UTP15: variants seen among roughly 807,000 people sequenced by gnomAD.
UTP15 encodes UTP15 small subunit processome component.
In UTP15, 5 loss-of-function variants were observed where a neutral mutation model predicts 59.1. The observed-to-expected ratio is 0.08, with a 90% CI of 0.04 to 0.18. UTP15 has a LOEUF of 0.18. Ranked by LOEUF, UTP15 falls within the 10% of genes least tolerant of loss-of-function variation. UTP15 has a pLI of 1.00. For synonymous variants in UTP15, 211 were observed against 212.2 expected (o/e 0.99, Z 0.05); for missense variants, 494 against 616.7 (o/e 0.80, Z 2.11).
rs1376540543 is a variant in UTP15, at chr5:73,581,078, G to A, written c.*984G>A. 1 of 150,474 alleles carries A rather than the reference G, an allele frequency of 6.6e-6. No homozygotes were observed. The highest frequency in any genetic ancestry group is 1.5e-5 in the Non-Finnish European group (1 of 67,786). 9.3% of individuals were successfully genotyped at this position (150,474 alleles called of 1,614,324 possible). A position where few individuals can be genotyped will look rare whatever the true frequency, so the allele number is the denominator to read the frequency against. On this transcript the variant is annotated 3_prime_UTR_variant, in exon 13 of 13. Transcript: ENST00000296792. ...AGTTTTTTTTTTTTTTTTAAAGACA[G>A]GGTCTCGCTTTATCGCCCAGGCTGG...
chr5:73,579,340 C>T lies in UTP15; in HGVS notation c.1304C>T (p.Ala435Val), dbSNP rs1370377867. The change falls in exon 12 of 13, where the codon GCC becomes GTC. Residue 435 changes from alanine (A) to valine (V), a missense_variant. Transcript: ENST00000296792. ...LIRNLSQPRFAPVLINAAEII... is the reference protein window; with the variant it reads ...LIRNLSQPRFVPVLINAAEII... ...AGGAATCTTTCTCAGCCAAGATTTG[C>T]CCCTGTTTTAATCAATGCTGCTGAA... 6.2e-7 allele frequency: 1 copy of T among 1,609,996 alleles called. No individual in the cohort carries two copies. The highest frequency in any genetic ancestry group is 1.3e-5 in the African/African-American group (1 of 74,726).
chr5:73,582,585 C>T lies in UTP15; in HGVS notation c.*2491C>T, dbSNP rs997382172. On this transcript the variant is annotated 3_prime_UTR_variant, in exon 13 of 13. Coordinates refer to ENST00000296792, the MANE Select transcript of UTP15 (RefSeq NM_032175.4). ...TTTGATTTTTTGAGATAAGAGGTCT[C>T]ACCATGTTGCCCAGGCCTGAGGCAA... The T allele has an allele frequency of 6.6e-5, 10 of 152,032 alleles. No homozygotes were observed. The highest frequency in any genetic ancestry group is 2.4e-4 in the African/African-American group (10 of 41,388). 9.4% of individuals were successfully genotyped at this position (152,032 alleles called of 1,614,324 possible). A position where few individuals can be genotyped will look rare whatever the true frequency, so the allele number is the denominator to read the frequency against.
rs3806881 is a variant in UTP15, at chr5:73,570,392, A to G, written c.548-194A>G. On this transcript the variant is annotated intron_variant, in intron 5 of 12. Coordinates refer to ENST00000296792, the MANE Select transcript of UTP15 (RefSeq NM_032175.4). ...AAGATCAGAGCAAGTTAGATTCTGT[A>G]TAGTATTATGTAGTGCTTCTTCAGA... Among the ~76,000 whole-genome samples, 35 of 152,340 alleles carry G rather than the reference A, an allele frequency of 2.3e-4. 1 individual carries two copies. The East Asian group carries it at 6.2e-3, about 27-fold the overall frequency.
chr5:73,574,993 G>A (rs572569906), intron 7 of UTP15, among the ~76,000 whole-genome samples: 8 of 152,206 alleles, frequency 5.3e-5, no homozygotes, highest in Non-Finnish European at 7.4e-5. Flanking sequence ...TTAAATCATG[G>A]CTTGCTTATT....
At chr5:73,574,848 A>G (rs1310842372) in intron 7 of UTP15, among the ~76,000 whole-genome samples, 1 of 151,952 alleles carries the variant, frequency 6.6e-6, no homozygotes, top group African/African-American at 2.4e-5. Context: ...CTTATGAAAA[A>G]CTTTAGTTTT....
chr5:73,581,795 T>G lies in UTP15; in HGVS notation c.*1701T>G, dbSNP rs1332652610. On this transcript the variant is annotated 3_prime_UTR_variant, in exon 13 of 13. Transcript: ENST00000296792. The stretch of plus-strand genomic sequence containing the variant: ...TACTTAATATATTCTAGTACAGGTA[T>G]GCTTGGAAATAGGGCGTTTCCTTTT... The G allele has an allele frequency of 6.6e-6, 1 of 152,144 alleles. No homozygotes were observed. Among genetic ancestry groups the G allele is most frequent in the Non-Finnish European group, 1.5e-5 (1 of 68,016 alleles). The allele number at this position is 152,144 out of a possible 1,614,324, so 9.4% of individuals were successfully genotyped here.
chr5:73,572,883 C>T (rs1173709613), intron 7 of UTP15, among the ~76,000 whole-genome samples: 3 of 151,928 alleles, frequency 2.0e-5, no homozygotes, highest in African/African-American at 4.8e-5. Flanking sequence ...CTGCAACCTC[C>T]GCCTCCCAGG....
In UTP15 at chr5:73,577,719, C is replaced by CAG. The variant is rs1312951630; in HGVS notation, c.895-135_895-134dup. 4 of 705,680 alleles carry CAG rather than the reference C, an allele frequency of 5.7e-6. No homozygotes were observed. The Admixed American group carries it at 1.1e-4, about 19-fold the overall frequency. The allele number at this position is 705,680 out of a possible 1,614,324, so 43.7% of individuals were successfully genotyped here. On this transcript the variant is annotated intron_variant, in intron 8 of 12. Coordinates refer to ENST00000296792, the MANE Select transcript of UTP15 (RefSeq NM_032175.4). ...ACGTCTTGCACCAATCATCGTTAGG[C>CAG]AGACTATGTGTATTTGAATGGAACT...
At position 73,568,253 on chromosome 5, in the gene UTP15, G is replaced by A. The variant is rs190252235; in HGVS notation, c.109G>A (p.Glu37Lys). The A allele has an allele frequency of 6.5e-4, 1,046 of 1,609,998 alleles. 1 individual carries two copies. Among genetic ancestry groups the A allele is most frequent in the South Asian group, 7.7e-4 (70 of 90,366 alleles). Reference protein sequence around the residue: ...NNYKTPVQIKEFGAVSKVDFS... With the variant: ...NNYKTPVQIKKFGAVSKVDFS... The stretch of plus-strand genomic sequence containing the variant: ...TATTAAGACCCCTGTTCAGATTAAG[G>A]AATTTGGTGCAGTTTCAAAAGTAGA... Residue 37 changes from glutamate (E) to lysine (K), a missense_variant, in exon 3 of 13, where the codon GAA becomes AAA. By Grantham distance (56) the Glu-to-Lys change is moderately conservative. Transcript: ENST00000296792.
chr5:73,571,683 C>T (rs1264868061), intron 6 of UTP15, among the ~76,000 whole-genome samples: 1 of 151,688 alleles, frequency 6.6e-6, no homozygotes, highest in Non-Finnish European at 1.5e-5. Flanking sequence ...CGCCTGTAAT[C>T]CTAGCACTTT....
At chr5:73,567,558 G>C in intron 2 of UTP15, 124 bp downstream of exon 2, 4 of 641,818 alleles carry the variant, frequency 6.2e-6, no homozygotes, top group Non-Finnish European at 1.0e-5. Context: ...GCAGCTTATA[G>C]TTTGGGCAGA....
At chr5:73,566,134 C>G in intron 1 of UTP15, 1 of 295,594 alleles carries the variant, frequency 3.4e-6, no homozygotes, top group Non-Finnish European at 6.8e-6. Context: ...CAGCAACTCT[C>G]CAAGGCAATG....
chr5:73,569,014 A>G (rs539543951), intron 4 of UTP15, among the ~76,000 whole-genome samples: 1 of 152,294 alleles, frequency 6.6e-6, no homozygotes, highest in Non-Finnish European at 1.5e-5. Flanking sequence ...TCTTGAATTT[A>G]TAGTGTTTTG....
At chr5:73,576,272 T>A (rs958003837) in intron 7 of UTP15, among the ~76,000 whole-genome samples, 4 of 150,136 alleles carry the variant, frequency 2.7e-5, no homozygotes, top group African/African-American at 9.8e-5. Context: ...ACCTGGCTAG[T>A]TTTTATTATT....
rs571119489 is a variant in UTP15, at chr5:73,582,131, G to A, written c.*2037G>A. On this transcript the variant is annotated 3_prime_UTR_variant, in exon 13 of 13. Transcript: ENST00000296792. ...ATTCTCACCACAACCATCCAAGGTT[G>A]ATGTTATTCTCATTTAACATTGAGT... 76 of 152,296 alleles carry A rather than the reference G, an allele frequency of 5.0e-4. No individual in the cohort carries two copies. Among genetic ancestry groups the A allele is most frequent in the African/African-American group, 1.8e-3 (74 of 41,544 alleles). The allele number at this position is 152,296 out of a possible 1,614,324, so 9.4% of individuals were successfully genotyped here.
chr5:73,578,565 CT>C (rs373445323), intron 9 of UTP15, 185 bp from the exon 10 acceptor site: 17,326 of 419,800 alleles, frequency 0.041, no homozygotes, highest in Middle Eastern at 0.052. Flanking sequence ...CAAGTTACTC[CT>C]TTTTTTTTTT....
chr5:73,573,287 G>A (rs1458579525), intron 7 of UTP15, among the ~76,000 whole-genome samples: 1 of 114,580 alleles, frequency 8.7e-6, no homozygotes, highest in Admixed American at 1.0e-4. Flanking sequence ...TTGTTCTGTT[G>A]CCCAGGCTGG....
intron 7 of UTP15, among the ~76,000 whole-genome samples, chr5:73,573,914 T>C (rs1340940107): frequency 6.6e-6 from 1 of 151,928 alleles, no homozygotes; most frequent in Non-Finnish European, 1.5e-5. Context: ...TAATATCTAA[T>C]GTAAAAATAA....
At chr5:73,573,064 G>A (rs1747988885) in intron 7 of UTP15, among the ~76,000 whole-genome samples, 1 of 152,060 alleles carries the variant, frequency 6.6e-6, no homozygotes, top group Non-Finnish European at 1.5e-5. Context: ...CCAAAGTGCT[G>A]GGATTACAGG....
Sources: gnomAD v4.1 joint callset for allele counts (sites outside exome capture counted in the v4.1 genomes callset) on GRCh38, gnomAD v4.1.1 for gene constraint, MANE v1.5 for transcripts, NCBI Gene and HGNC (gene_info 2026-07-23, HGNC 2026-07-21) for gene names.